CSMD1: variants seen among roughly 807,000 people sequenced by gnomAD.
The protein encoded by CSMD1 is CUB and sushi domain-containing protein 1.
CSMD1 carries 213 observed loss-of-function variants against 417.5 expected under a neutral mutation model. The ratio of observed to expected loss-of-function variants is 0.51; its 90% confidence interval spans 0.46 to 0.57. The LOEUF (loss-of-function observed/expected upper bound fraction) is 0.57, where lower values mean the gene tolerates loss of function less well. Among genes scored for constraint, CSMD1 ranks in the 20% least tolerant of loss-of-function variants. CSMD1 has a pLI of 0.00. For synonymous variants in CSMD1, 2,862 were observed against 1,736.8 expected (o/e 1.65, Z -16.11); for missense variants, 6,923 against 4,529.7 (o/e 1.53, Z -15.17).
chr8:3,529,061 T>A (rs1797871647), intron 10 of CSMD1, among the ~76,000 whole-genome samples: 1 of 152,296 alleles, frequency 6.6e-6, no homozygotes, highest in East Asian at 1.9e-4. Context: ...TAGTACAAGC[T>A]GTAACACAGA....
rs996436660 is a variant in CSMD1, at chr8:4,629,064, A to C, written c.302+8278T>G. Among the ~76,000 whole-genome samples, 17 of 152,322 alleles carry C rather than the reference A, an allele frequency of 1.1e-4. No individual in the cohort carries two copies. In the East Asian group the frequency reaches 2.3e-3, roughly 21 times the overall value. ...ATAATTTACTTAACTAGTGAGAGTT[A>C]TTGATAGTCTACATTTATATACTTA... On this transcript the variant is annotated intron_variant, in intron 2 of 69. Coordinates refer to ENST00000635120, the MANE Select transcript of CSMD1 (RefSeq NM_033225.6).
At chr8:4,047,228 A>G (rs1210503584) in intron 3 of CSMD1, among the ~76,000 whole-genome samples, 1 of 152,118 alleles carries the variant, frequency 6.6e-6, no homozygotes, top group Non-Finnish European at 1.5e-5. Context: ...GTCTGACTCT[A>G]GTGTTCATCA....
chr8:3,252,717 T>C (rs534775237), intron 26 of CSMD1, among the ~76,000 whole-genome samples: 2 of 152,316 alleles, frequency 1.3e-5, no homozygotes, highest in Non-Finnish European at 1.5e-5. Flanking sequence ...TGGTAAGCTA[T>C]TAATTATTGC....
chr8:3,786,441 T>C (rs1045222124), intron 5 of CSMD1, among the ~76,000 whole-genome samples: 26 of 152,116 alleles, frequency 1.7e-4, no homozygotes, highest in African/African-American at 6.0e-4. Context: ...AGAGAAAGCA[T>C]CTGTAAAGCC....
chr8:3,632,258 T>C (rs1225878662), intron 7 of CSMD1, among the ~76,000 whole-genome samples: 3 of 152,210 alleles, frequency 2.0e-5, no homozygotes, highest in Admixed American at 6.5e-5. Context: ...CATTTGATAA[T>C]GCATCTTAAA....
At chr8:3,908,344 T>G (rs1288445045) in intron 5 of CSMD1, among the ~76,000 whole-genome samples, 2 of 152,200 alleles carry the variant, frequency 1.3e-5, no homozygotes, top group Non-Finnish European at 2.9e-5. Flanking sequence ...TTACTGAATA[T>G]TTTATGCTAT....
intron 37 of CSMD1, among the ~76,000 whole-genome samples, chr8:3,164,233 C>G (rs2129041190): frequency 6.6e-6 from 1 of 152,266 alleles, no homozygotes; most frequent in South Asian, 2.1e-4. Flanking sequence ...TAATGTCAGG[C>G]CACAGAACCC....
At chr8:4,476,274 G>C (rs1469843432) in intron 2 of CSMD1, among the ~76,000 whole-genome samples, 1 of 152,012 alleles carries the variant, frequency 6.6e-6, no homozygotes, top group Admixed American at 6.6e-5. Flanking sequence ...CATCATGATA[G>C]AGACCGGATG....
chr8:4,905,819 CA>C lies in CSMD1; in HGVS notation c.85+88512del, dbSNP rs147276107. On this transcript the variant is annotated intron_variant, in intron 1 of 69. Transcript: ENST00000635120. Reference sequence around the variant, plus strand: ...TGGGCCACAGAGCGAGACTCCATCTCAAAAAAAAAAAAAAAGAAAAAAAGAA... The same window carrying C: ...TGGGCCACAGAGCGAGACTCCATCTCAAAAAAAAAAAAAAGAAAAAAAGAA... 5.3e-4 allele frequency among the ~76,000 whole-genome samples: 50 copies of C among 94,304 alleles called. 2 individuals are homozygous for C. The highest frequency in any genetic ancestry group is 1.6e-3 in the South Asian group (4 of 2,426). 61.9% of individuals were successfully genotyped at this position (94,304 alleles called of 152,430 possible). A position where few individuals can be genotyped will look rare whatever the true frequency, so the allele number is the denominator to read the frequency against.
chr8:4,186,789 C>A (rs900279383), intron 3 of CSMD1, among the ~76,000 whole-genome samples: 1 of 151,112 alleles, frequency 6.6e-6, no homozygotes, highest in Non-Finnish European at 1.5e-5. Context: ...GAGTTCAAGA[C>A]CAGCCTGGTC....
At chr8:2,969,523 T>C (rs1328714212) in intron 57 of CSMD1, among the ~76,000 whole-genome samples, 3 of 152,244 alleles carry the variant, frequency 2.0e-5, no homozygotes, top group African/African-American at 7.2e-5. Context: ...TCGTTTAGAA[T>C]TATAATTTCC....
chr8:3,228,424 T>G (rs1437843971), intron 27 of CSMD1, among the ~76,000 whole-genome samples: 1 of 152,212 alleles, frequency 6.6e-6, no homozygotes, highest in African/African-American at 2.4e-5. Flanking sequence ...TATTTTCCAT[T>G]TTTCTGTTAC....
rs570947866 is a variant in CSMD1 at position 4,154,554 on chromosome 8, C to G, written c.416-122455G>C. On this transcript the variant is annotated intron_variant, in intron 3 of 69. Coordinates refer to ENST00000635120, the MANE Select transcript of CSMD1 (RefSeq NM_033225.6). Reference sequence around the variant, plus strand: ...GAGCAGAAGCCAGGACACTATGCTTCTAACGCCGTGAGCTGGGCCAAGAGG... The same window carrying G: ...GAGCAGAAGCCAGGACACTATGCTTGTAACGCCGTGAGCTGGGCCAAGAGG... Among the ~76,000 whole-genome samples, 4 of 152,306 alleles carry G rather than the reference C, an allele frequency of 2.6e-5. No individual in the cohort carries two copies. In the South Asian group the frequency reaches 8.3e-4, roughly 32 times the overall value.
chr8:3,241,614 C>G (rs185435985), intron 26 of CSMD1, among the ~76,000 whole-genome samples: 1 of 152,044 alleles, frequency 6.6e-6, no homozygotes, highest in African/African-American at 2.4e-5. Context: ...AGACGGGACA[C>G]GGTTTAGGAG....
rs183961449 is a variant in CSMD1 at position 3,682,838 on chromosome 8, T to C, written c.1009+25576A>G. 6.1e-4 allele frequency among the ~76,000 whole-genome samples: 93 copies of C among 152,262 alleles called. 1 individual carries two copies. The highest frequency in any genetic ancestry group is 1.6e-4 in the Non-Finnish European group (11 of 68,002). On this transcript the variant is annotated intron_variant, in intron 7 of 69. Transcript: ENST00000635120. Reference sequence around the variant, plus strand: ...TGGGATTAAGAAAATGTGGCACATATACACCATGGAATACTATGTAGCCAT... The same window carrying C: ...TGGGATTAAGAAAATGTGGCACATACACACCATGGAATACTATGTAGCCAT...
intron 1 of CSMD1, among the ~76,000 whole-genome samples, chr8:4,933,337 A>G (rs1392011203): frequency 6.6e-6 from 1 of 152,192 alleles, no homozygotes; most frequent in East Asian, 1.9e-4. Context: ...TATGCCGTTT[A>G]AATATAGTAT....
intron 3 of CSMD1, among the ~76,000 whole-genome samples, chr8:4,032,963 C>T (rs529147511): frequency 1.6e-3 from 240 of 152,008 alleles, no homozygotes; most frequent in Middle Eastern, 0.01. Context: ...TCCTCAATTC[C>T]GATACGAAAC....
intron 1 of CSMD1, among the ~76,000 whole-genome samples, chr8:4,739,774 C>G (rs534858942): frequency 2.6e-5 from 4 of 152,302 alleles, no homozygotes; most frequent in East Asian, 3.9e-4. Context: ...TCCAGTCCCT[C>G]TCTTTGGAGT....
At chr8:3,772,865 G>T (rs943378681) in intron 5 of CSMD1, among the ~76,000 whole-genome samples, 3 of 152,068 alleles carry the variant, frequency 2.0e-5, no homozygotes, top group East Asian at 3.9e-4. Flanking sequence ...CACATCCTTA[G>T]TGCATTCAGG....
Sources: gnomAD v4.1 joint callset for allele counts (sites outside exome capture counted in the v4.1 genomes callset) on GRCh38, gnomAD v4.1.1 for gene constraint, MANE v1.5 for transcripts, NCBI Gene and HGNC (gene_info 2026-07-23, HGNC 2026-07-21) for gene names.